Variants in ZSCAN25 observed in about 807,000 individuals in gnomAD.
ZSCAN25 encodes zinc finger and SCAN domain-containing protein 25.
Under a neutral mutation model 38.7 loss-of-function variants are expected in ZSCAN25, and 27 were observed. The ratio of observed to expected loss-of-function variants is 0.70; its 90% CI spans 0.51 to 0.96. The LOEUF is 0.96. ZSCAN25 is among the 40% of genes least tolerant of loss of function. The pLI is 0.00. For synonymous variants in ZSCAN25, 273 were observed against 277.7 expected (o/e 0.98, Z 0.17); for missense variants, 637 against 705.9 (o/e 0.90, Z 1.11).
the ZSCAN25 span, among the ~76,000 whole-genome samples, chr7:99,709,790 A>G: frequency 0.013 from 1,135 of 85,016 alleles, 4 homozygotes; most frequent in Middle Eastern, 0.029. Flanking sequence ...GTGTGTGTGT[A>G]TATATATATA....
At chr7:99,657,531 G>C in the ZSCAN25 span, among the ~76,000 whole-genome samples, 1 of 152,174 alleles carries the variant, frequency 6.6e-6, no homozygotes, top group Non-Finnish European at 1.5e-5. Context: ...AATAGGTGTG[G>C]TGTGGTGCTG....
chr7:99,719,507 A>G, the ZSCAN25 span, among the ~76,000 whole-genome samples: 1 of 152,222 alleles, frequency 6.6e-6, no homozygotes, highest in Non-Finnish European at 1.5e-5. Context: ...TTAGTAAAGC[A>G]TTAAACTTTA....
At chr7:99,623,816 T>G (rs1256730945) in intron 6 of ZSCAN25, among the ~76,000 whole-genome samples, 3 of 152,182 alleles carry the variant, frequency 2.0e-5, no homozygotes, top group African/African-American at 7.2e-5. Context: ...GCTGCCAGGC[T>G]CTGTCAAGCA....
At chr7:99,699,724 A>C in the ZSCAN25 span, among the ~76,000 whole-genome samples, 2 of 152,196 alleles carry the variant, frequency 1.3e-5, no homozygotes, top group African/African-American at 2.4e-5. Context: ...ATTCCCACTA[A>C]CAAATGCTGT....
the ZSCAN25 span, among the ~76,000 whole-genome samples, chr7:99,698,365 C>T: frequency 1.3e-5 from 2 of 152,174 alleles, no homozygotes; most frequent in Non-Finnish European, 2.9e-5. Context: ...TTTTGAGTGA[C>T]CTCCACTGTG....
chr7:99,706,795 C>T, the ZSCAN25 span, among the ~76,000 whole-genome samples: 2,640 of 152,306 alleles, frequency 0.017, 28 homozygotes, highest in Non-Finnish European at 0.028. Context: ...GCAAACCAAT[C>T]GACTGCATAT....
At chr7:99,711,447 C>T in the ZSCAN25 span, among the ~76,000 whole-genome samples, 4 of 152,090 alleles carry the variant, frequency 2.6e-5, no homozygotes, top group Non-Finnish European at 5.9e-5. Context: ...AAGTGTGGTC[C>T]GTGGATCATA....
At chr7:99,656,747 C>T in the ZSCAN25 span, among the ~76,000 whole-genome samples, 1 of 152,260 alleles carries the variant, frequency 6.6e-6, no homozygotes, top group Middle Eastern at 3.4e-3. Context: ...TAATTATTGC[C>T]TCAATTTCAG....
At chr7:99,690,910 G>A in the ZSCAN25 span, among the ~76,000 whole-genome samples, 16 of 152,054 alleles carry the variant, frequency 1.1e-4, no homozygotes, top group African/African-American at 3.6e-4. Context: ...CTAGAACTAG[G>A]AATACCATTT....
chr7:99,630,078 G>A lies in ZSCAN25; in HGVS notation c.*58G>A. 2.1e-6 allele frequency: 3 copies of A among 1,453,714 alleles called. No individual in the cohort carries two copies. The highest frequency in any genetic ancestry group is 1.8e-6 in the Non-Finnish European group (2 of 1,102,968). 90.1% of individuals were successfully genotyped at this position (1,453,714 alleles called of 1,614,324 possible). ...TCTTTCTCACTGCAGGGCCTTGCGG[G>A]GTGCAAGGTGATGGCTGCAGGAAAG... On this transcript the variant is annotated 3_prime_UTR_variant, in exon 8 of 8. Coordinates refer to ENST00000394152, the MANE Select transcript of ZSCAN25 (RefSeq NM_145115.3).
the ZSCAN25 span, among the ~76,000 whole-genome samples, chr7:99,678,632 A>C: frequency 6.6e-6 from 1 of 152,260 alleles, no homozygotes; most frequent in Admixed American, 6.5e-5. Context: ...TTTACCATCC[A>C]GAAGGAACAT....
At chr7:99,652,664 A>G in the ZSCAN25 span, 4 of 1,614,144 alleles carry the variant, frequency 2.5e-6, no homozygotes, top group Non-Finnish European at 3.4e-6. Flanking sequence ...ATTGATTTCA[A>G]CATCTTTCTT....
chr7:99,737,240 TA>T, the ZSCAN25 span, among the ~76,000 whole-genome samples: 2 of 152,084 alleles, frequency 1.3e-5, no homozygotes, highest in Non-Finnish European at 2.9e-5. Context: ...TAAAATATTA[TA>T]AAAAGTTAAC....
the ZSCAN25 span, chr7:99,665,250 G>C: frequency 6.2e-7 from 1 of 1,614,160 alleles, no homozygotes; most frequent in Non-Finnish European, 8.5e-7. Context: ...GGATTGTTGA[G>C]AGAGTCGATG....
the ZSCAN25 span, chr7:99,671,525 G>A: frequency 3.2e-5 from 10 of 312,258 alleles, no homozygotes; most frequent in Non-Finnish European, 5.3e-5. Context: ...GGAACATTTG[G>A]ACAGCCATAG....
the ZSCAN25 span, among the ~76,000 whole-genome samples, chr7:99,686,759 C>A: frequency 2.0e-5 from 3 of 151,934 alleles, no homozygotes; most frequent in Non-Finnish European, 4.4e-5. Context: ...CACCCCCCCC[C>A]CAGTAGGGGC....
chr7:99,656,292 G>A, the ZSCAN25 span, among the ~76,000 whole-genome samples: 2 of 152,128 alleles, frequency 1.3e-5, no homozygotes, highest in Non-Finnish European at 2.9e-5. Context: ...TAGCATGAAG[G>A]GCTGTTGAAT....
At chr7:99,723,431 A>G in the ZSCAN25 span, among the ~76,000 whole-genome samples, 1 of 152,096 alleles carries the variant, frequency 6.6e-6, no homozygotes, top group African/African-American at 2.4e-5. Flanking sequence ...TCCACTGCTT[A>G]CCCCAGTCCT....
In ZSCAN25 at chr7:99,619,682, GA is replaced by G; in HGVS notation, c.77del (p.Glu26GlyfsTer18). ...TATTCCTGTGGTGAAACTGGAGAAA[GA>G]GTTGCCATGGGGCAGAGGAAGGGAG... ...LGIPVVKLEKELPWGRGREDP... is the reference protein window; with the variant it reads ...LGIPVVKLEKXLPWGRGREDP... On this transcript the variant is annotated frameshift_variant, in exon 4 of 8. Coordinates refer to ENST00000394152, the MANE Select transcript of ZSCAN25 (RefSeq NM_145115.3). LOFTEE classifies it high-confidence loss of function. The G allele has an allele frequency of 6.2e-7, 1 of 1,614,270 alleles. No individual in the cohort carries two copies. The highest frequency in any genetic ancestry group is 8.5e-7 in the Non-Finnish European group (1 of 1,180,046).
Sources: allele counts gnomAD v4.1 joint callset (sites outside exome capture counted in the v4.1 genomes callset), GRCh38; gene constraint gnomAD v4.1.1; transcripts MANE v1.5; gene names NCBI Gene and HGNC (gene_info 2026-07-23, HGNC 2026-07-21).